The following EDRF1 variants were observed in gnomAD, a reference collection of about 807,000 sequenced individuals.
The protein encoded by EDRF1 is erythroid differentiation regulatory factor 1, also known as erythroid differentiation-related factor 1.
Under a neutral mutation model 148.7 loss-of-function variants are expected in EDRF1, and 69 were observed. That is an observed-to-expected ratio of 0.46 (90% CI 0.38 to 0.57). The LOEUF is 0.57. Among genes scored for constraint, EDRF1 ranks in the 20% least tolerant of loss-of-function variants. The probability of loss-of-function intolerance (pLI) is 0.00; values close to 1 mark genes in which losing one functional copy is unlikely to be tolerated. For synonymous variants in EDRF1, 515 were observed against 532.8 expected (o/e 0.97, Z 0.46); for missense variants, 1,118 against 1,478.7 (o/e 0.76, Z 4.00).
intron 18 of EDRF1, among the ~76,000 whole-genome samples, chr10:125,743,929 G>A (rs1252689477): frequency 6.6e-6 from 1 of 152,182 alleles, no homozygotes; most frequent in African/African-American, 2.4e-5. Flanking sequence ...GTGGGATGGT[G>A]TAAGTAAGAT....
Position 125,725,616 on chromosome 10 carries a change from C to T in EDRF1, c.636-66C>T, listed in dbSNP as rs545547304. 4.3e-4 allele frequency: 688 copies of T among 1,598,926 alleles called. 4 individuals carry two copies. In the African/African-American group the frequency reaches 8.2e-3, roughly 19 times the overall value. On this transcript the variant is annotated intron_variant, in intron 5 of 24. Coordinates refer to ENST00000356792, the MANE Select transcript of EDRF1 (RefSeq NM_001202438.2). ...AATTACAGATTGTAGTTTTTATAAA[C>T]GGGTAGACTGTTGCATGAAGTTAAC...
chr10:125,763,238 C>A lies in EDRF1; in HGVS notation c.3546-63C>A. ...GGCTGTCACTGTCCGGTTTTCTGGACCTCTGAATTGTCGGTAGGCATTGCT... is the reference window on the plus strand; with the variant it reads ...GGCTGTCACTGTCCGGTTTTCTGGAACTCTGAATTGTCGGTAGGCATTGCT... On this transcript the variant is annotated intron_variant, in intron 24 of 24. Transcript: ENST00000356792. This position sits in a 1 kb window ranked among gnomAD's most constrained non-coding sequence, Gnocchi z 4.3. The A allele has an allele frequency of 6.6e-7, 1 of 1,515,818 alleles. No individual in the cohort carries two copies. The highest frequency in any genetic ancestry group is 9.1e-7 in the Non-Finnish European group (1 of 1,101,860). The allele number at this position is 1,515,818 out of a possible 1,614,324, so 93.9% of individuals were successfully genotyped here. A position where few individuals can be genotyped will look rare whatever the true frequency, so the allele number is the denominator to read the frequency against.
intron 2 of EDRF1, 118 bp downstream of exon 2, chr10:125,721,530 G>T: frequency 3.1e-6 from 3 of 962,566 alleles, no homozygotes; most frequent in Non-Finnish European, 4.8e-6. Context: ...TTTAGAGAAA[G>T]ATCACATTTG....
intron 15 of EDRF1, 89 bp downstream of exon 15, chr10:125,738,534 A>T: frequency 6.8e-7 from 1 of 1,480,304 alleles, no homozygotes; most frequent in Non-Finnish European, 9.4e-7. Context: ...TTAAGGCATT[A>T]ATTGAAAGGC....
chr10:125,733,713 T>A lies in EDRF1; in HGVS notation c.1355T>A (p.Phe452Tyr). The change falls in exon 11 of 25, where the codon TTC becomes TAC. Residue 452 changes from phenylalanine to tyrosine, a missense_variant. By Grantham distance (22) the Phe-to-Tyr change is conservative (BLOSUM62 3). This residue lies in a region of EDRF1 where 954 missense variants were observed against 1,241.4 expected (regional missense o/e 0.77). Coordinates refer to ENST00000356792, the MANE Select transcript of EDRF1 (RefSeq NM_001202438.2). ...EETEDKYQNP[F>Y]TMPVAILLYK... ...ACTGAAGACAAATACCAAAATCCAT[T>A]CACAATGCCGGTAGCCATTCTCTTG... 1 of 1,613,434 alleles carries A rather than the reference T, an allele frequency of 6.2e-7. No homozygotes were observed. Among genetic ancestry groups the A allele is most frequent in the South Asian group, 1.1e-5 (1 of 91,074 alleles).
chr10:125,747,967 C>G lies in EDRF1; in HGVS notation c.3078C>G (p.Ile1026Met), dbSNP rs1849450097. Residue 1026 changes from isoleucine (I) to methionine (M), a missense_variant, in exon 21 of 25, where the codon ATC becomes ATG. Transcript: ENST00000356792. ...TTTGTCAGTATCGAGCTGCAACCATCCATCACAGGCTGGCCTCCATGTACC... is the reference window on the plus strand; with the variant it reads ...TTTGTCAGTATCGAGCTGCAACCATGCATCACAGGCTGGCCTCCATGTACC... ...QPLCQYRAAT[I>M]HHRLASMYHS... The G allele has an allele frequency of 1.2e-6, 2 of 1,614,206 alleles. No individual in the cohort carries two copies. The highest frequency in any genetic ancestry group is 4.5e-5 in the East Asian group (2 of 44,882).
intron 11 of EDRF1, 110 bp downstream of exon 11, chr10:125,733,853 G>A (rs1848596938): frequency 5.6e-6 from 6 of 1,073,784 alleles, no homozygotes; most frequent in Non-Finnish European, 1.4e-6. Flanking sequence ...GGTTTTCATA[G>A]TAGGGGGAAA....
At chr10:125,742,090 A>G (rs1302318809) in intron 17 of EDRF1, 2 of 548,230 alleles carry the variant, frequency 3.6e-6, no homozygotes, top group Non-Finnish European at 6.0e-6. Flanking sequence ...GAAAGGTATA[A>G]CAGTTGGTGA....
intron 4 of EDRF1, 91 bp from the exon 5 acceptor site, chr10:125,725,227 A>G (rs900543560): frequency 6.7e-7 from 1 of 1,489,716 alleles, no homozygotes; most frequent in Non-Finnish European, 9.3e-7. Context: ...CTATTCAAAA[A>G]ATAATAGGAG....
chr10:125,753,376 GA>G (rs1849737739), intron 23 of EDRF1, among the ~76,000 whole-genome samples: 1 of 152,126 alleles, frequency 6.6e-6, no homozygotes, highest in African/African-American at 2.4e-5. Context: ...AAAGCTTCCT[GA>G]AGCCCCCATG....
rs148211721 is a variant in EDRF1 at position 125,719,935 on chromosome 10, G to T, written c.108+20G>T. On this transcript the variant is annotated intron_variant, in intron 1 of 24. Transcript: ENST00000356792. ...GCACAGGTGAGTCCTCCGCGGAGGG[G>T]GACCTGCCAGGGATGTGGGAGCGGA... 689 of 1,602,298 alleles carry T rather than the reference G, an allele frequency of 4.3e-4. 2 individuals carry two copies. In the African/African-American group the frequency reaches 8.3e-3, roughly 19 times the overall value.
rs1848579677 is a variant in EDRF1 at position 125,733,617 on chromosome 10, CTTTG to C, written c.1277-14_1277-11del. On this transcript the variant is annotated splice_polypyrimidine_tract_variant and intron_variant, in intron 10 of 24. Transcript: ENST00000356792. ...GGGTAACTGCTGTGAAATGAGTCTTCTTTGTTTTTCTTTTCAGCAAGTGGCAGCG... is the reference window on the plus strand; with the variant it reads ...GGGTAACTGCTGTGAAATGAGTCTTCTTTTTCTTTTCAGCAAGTGGCAGCG... The C allele has an allele frequency of 6.2e-7, 1 of 1,612,456 alleles. No individual in the cohort carries two copies. The highest frequency in any genetic ancestry group is 8.5e-7 in the Non-Finnish European group (1 of 1,178,672).
chr10:125,740,446 T>C lies in EDRF1; in HGVS notation c.1982-17T>C. On this transcript the variant is annotated splice_polypyrimidine_tract_variant and intron_variant, in intron 15 of 24. Coordinates refer to ENST00000356792, the MANE Select transcript of EDRF1 (RefSeq NM_001202438.2). ...CAAATGAAATGTGCTGTCTTTTTTT[T>C]TCTCTCCATGTCACAGTGGGCTCCC... 2 of 1,613,320 alleles carry C rather than the reference T, an allele frequency of 1.2e-6. No individual in the cohort carries two copies. The highest frequency in any genetic ancestry group is 1.7e-6 in the Non-Finnish European group (2 of 1,179,524).
chr10:125,738,369 G>C lies in EDRF1; in HGVS notation c.1905G>C (p.Pro635=), dbSNP rs199597232. ...CAGCTGACCCCAGCACTCCAATCCC[G>C]TTAAAATATGAAGATGAATCCTCAA... ...LPAADPSTPI[P]LKYEDESSRG... The change falls in exon 15 of 25, where the codon CCG becomes CCC. Residue 635 remains proline, a synonymous_variant. Coordinates refer to ENST00000356792, the MANE Select transcript of EDRF1 (RefSeq NM_001202438.2). The C allele has an allele frequency of 6.2e-7, 1 of 1,614,044 alleles. No homozygotes were observed. Among genetic ancestry groups the C allele is most frequent in the Admixed American group, 1.7e-5 (1 of 60,012 alleles).
chr10:125,752,830 A>T lies in EDRF1; in HGVS notation c.3309A>T (p.Thr1103=), dbSNP rs1379545448. 2.5e-6 allele frequency: 4 copies of T among 1,613,864 alleles called. No homozygotes were observed. Residue 1103 remains threonine (T), a synonymous_variant, in exon 23 of 25, where the codon ACA becomes ACT. Coordinates refer to ENST00000356792, the MANE Select transcript of EDRF1 (RefSeq NM_001202438.2). ...ATAGCAATGTTGGAAAGTTGAAAACACTATCTGGGGCTCTTGATATAATGG... is the reference window on the plus strand; with the variant it reads ...ATAGCAATGTTGGAAAGTTGAAAACTCTATCTGGGGCTCTTGATATAATGG... The part of the protein sequence containing the change: ...SQNSNVGKLK[T]LSGALDIMVR...
In EDRF1 at chr10:125,741,049, TTC is replaced by T; in HGVS notation, c.2226_2227del (p.Gln743IlefsTer7). 1 of 1,614,200 alleles carries T rather than the reference TTC, an allele frequency of 6.2e-7. No homozygotes were observed. On this transcript the variant is annotated frameshift_variant, in exon 17 of 25. Transcript: ENST00000356792. LOFTEE classifies it high-confidence loss of function. ...AATATGCTTTCCGAAGTGCTGTTGT[TTC>T]TCTCTCAATATTTGACACTTTGTGG...
chr10:125,753,969 A>T, intron 24 of EDRF1, 124 bp downstream of exon 24: 1 of 1,053,632 alleles, frequency 9.5e-7, no homozygotes, highest in South Asian at 1.4e-5. Flanking sequence ...CAATCCCAGC[A>T]CTTTGGGAGG....
Position 125,763,884 on chromosome 10 carries a change from C to G in EDRF1, c.*412C>G, listed in dbSNP as rs1850297960. Reference sequence around the variant, plus strand: ...TACAGGTTCAAGTGGGTTAAGGAGACCTCCTGTACATCTACAGTGTTTCCT... The same window carrying G: ...TACAGGTTCAAGTGGGTTAAGGAGAGCTCCTGTACATCTACAGTGTTTCCT... On this transcript the variant is annotated 3_prime_UTR_variant, in exon 25 of 25. Transcript: ENST00000356792. This position sits in a 1 kb window ranked among gnomAD's most constrained non-coding sequence, Gnocchi z 4.3. The G allele has an allele frequency of 8.4e-6, 2 of 237,282 alleles. No individual in the cohort carries two copies. Among genetic ancestry groups the G allele is most frequent in the African/African-American group, 4.6e-5 (2 of 43,634 alleles). 14.7% of individuals were successfully genotyped at this position (237,282 alleles called of 1,614,324 possible).
In EDRF1 at chr10:125,735,641, A is replaced by C; in HGVS notation, c.1498-3A>C. ...TTACACATATTTCTCTCTTTTTCAT[A>C]AGATTATTGCTTCCGCCAATTACAT... On this transcript the variant is annotated splice_polypyrimidine_tract_variant and splice_region_variant and intron_variant, in intron 12 of 24. Transcript: ENST00000356792. The C allele has an allele frequency of 6.2e-7, 1 of 1,612,130 alleles. No homozygotes were observed. The highest frequency in any genetic ancestry group is 8.5e-7 in the Non-Finnish European group (1 of 1,178,740).
Sources: allele counts gnomAD v4.1 joint callset (sites outside exome capture counted in the v4.1 genomes callset), GRCh38; gene constraint gnomAD v4.1.1; regional missense constraint gnomAD v4.1.1; non-coding constraint Gnocchi (gnomAD v3.1); transcripts MANE v1.5; gene names NCBI Gene and HGNC (gene_info 2026-07-23, HGNC 2026-07-21).